KHDRBS2: variants seen among roughly 807,000 people sequenced by gnomAD.
KHDRBS2 encodes KH domain-containing, RNA-binding, signal transduction-associated protein 2.
A neutral mutation model predicts 44.3 loss-of-function variants in KHDRBS2; 26 were observed. That is an observed-to-expected ratio of 0.59 (90% confidence interval 0.43 to 0.81). The LOEUF (loss-of-function observed/expected upper bound fraction) is 0.81. Among genes scored for constraint, KHDRBS2 ranks in the 40% least tolerant of loss-of-function variants. KHDRBS2 has a pLI of 0.00. For synonymous variants in KHDRBS2, 194 were observed against 151.1 expected (o/e 1.28, Z -2.08); for missense variants, 476 against 433.1 (o/e 1.10, Z -0.88).
rs184731471 is a variant in KHDRBS2, at chr6:61,964,787, G to C, written c.483+13279C>G. 2.2e-3 allele frequency among the ~76,000 whole-genome samples: 342 copies of C among 152,164 alleles called. 2 individuals carry two copies. The highest frequency in any genetic ancestry group is 8.0e-3 in the African/African-American group (333 of 41,550). ...TAACAGATGAATGAGCCAAACAGCA[G>C]TGGCAGAAATGTGCTTCAAAGGAAA... On this transcript the variant is annotated intron_variant, in intron 4 of 8. Coordinates refer to ENST00000281156, the MANE Select transcript of KHDRBS2 (RefSeq NM_152688.4).
intron 1 of KHDRBS2, among the ~76,000 whole-genome samples, chr6:62,239,530 G>A (rs1419992161): frequency 4.6e-5 from 7 of 151,870 alleles, no homozygotes; most frequent in South Asian, 2.1e-4. Flanking sequence ...CCAAGATCAC[G>A]CTGCTGCACT....
intron 6 of KHDRBS2, among the ~76,000 whole-genome samples, chr6:61,892,255 T>G (rs1260337934): frequency 6.6e-6 from 1 of 152,020 alleles, no homozygotes. Context: ...TAAAAGAGGA[T>G]ACAAACAAAT....
chr6:61,603,257 A>T, the KHDRBS2 span, among the ~76,000 whole-genome samples: 245 of 152,034 alleles, frequency 1.6e-3, 2 homozygotes, highest in Non-Finnish European at 2.4e-3. Context: ...TATCCACCAA[A>T]TTGTCTTGCC....
At chr6:62,249,736 T>A (rs1287106724) in intron 1 of KHDRBS2, among the ~76,000 whole-genome samples, 1 of 152,084 alleles carries the variant, frequency 6.6e-6, no homozygotes, top group Non-Finnish European at 1.5e-5. Context: ...TATTTCTCTA[T>A]AAAAGCACTC....
rs1584397481 is a variant in KHDRBS2, at chr6:62,055,528, T to A, written c.220-7534A>T. On this transcript the variant is annotated intron_variant, in intron 2 of 8. Coordinates refer to ENST00000281156, the MANE Select transcript of KHDRBS2 (RefSeq NM_152688.4). ...ATAATGGCAGTGTCTTGTCAATCTG[T>A]AAATCCATTTACCTTATGCCTCAGC... Among the ~76,000 whole-genome samples the A allele has an allele frequency of 2.6e-5, 4 of 152,156 alleles. No homozygotes were observed. In the South Asian group the frequency reaches 8.3e-4, roughly 32 times the overall value.
At chr6:62,017,167 A>G (rs1174694294) in intron 3 of KHDRBS2, among the ~76,000 whole-genome samples, 1 of 152,148 alleles carries the variant, frequency 6.6e-6, no homozygotes, top group Non-Finnish European at 1.5e-5. Flanking sequence ...CTTCAGATTG[A>G]TGGACCACAC....
At chr6:61,574,220 C>G in the KHDRBS2 span, 1 of 748,486 alleles carries the variant, frequency 1.3e-6, no homozygotes, top group East Asian at 2.7e-5. Flanking sequence ...TCTAGCATTA[C>G]CAGTATTAGA....
At chr6:61,672,671 T>C in the KHDRBS2 span, among the ~76,000 whole-genome samples, 2 of 152,142 alleles carry the variant, frequency 1.3e-5, no homozygotes, top group African/African-American at 2.4e-5. Flanking sequence ...TTCATGTCCT[T>C]TGCCCACTTT....
At chr6:61,611,885 G>C in the KHDRBS2 span, among the ~76,000 whole-genome samples, 1 of 152,180 alleles carries the variant, frequency 6.6e-6, no homozygotes, top group East Asian at 1.9e-4. Flanking sequence ...TTATGTCCAC[G>C]TGAGCTTAGT....
In KHDRBS2 at chr6:61,711,874, G is replaced by A. The variant is rs781527149; in HGVS notation, c.894-14621C>T. ...ACCAGTTTGTTACTGGTATAGTAAT[G>A]CTGCATAACAAACAACTACAAAATA... On this transcript the variant is annotated intron_variant, in intron 7 of 8. Coordinates refer to ENST00000281156, the MANE Select transcript of KHDRBS2 (RefSeq NM_152688.4). Among the ~76,000 whole-genome samples the A allele has an allele frequency of 2.6e-5, 4 of 151,830 alleles. No homozygotes were observed. In the East Asian group the frequency reaches 5.8e-4, roughly 22 times the overall value.
intron 2 of KHDRBS2, among the ~76,000 whole-genome samples, chr6:62,068,117 G>A (rs911074267): frequency 6.6e-6 from 1 of 151,368 alleles, no homozygotes; most frequent in Non-Finnish European, 1.5e-5. Context: ...GCATCCAATT[G>A]TTTTCCAAAG....
intron 7 of KHDRBS2, among the ~76,000 whole-genome samples, chr6:61,710,156 A>G (rs777323199): frequency 6.6e-6 from 1 of 151,690 alleles, no homozygotes; most frequent in Non-Finnish European, 1.5e-5. Context: ...TGAGTTGACA[A>G]CAATGATTTC....
chr6:62,151,403 G>A (rs1815157444), intron 2 of KHDRBS2, among the ~76,000 whole-genome samples: 1 of 152,064 alleles, frequency 6.6e-6, no homozygotes, highest in Non-Finnish European at 1.5e-5. Flanking sequence ...GAATATTCCT[G>A]ATAACCCACT....
chr6:61,734,145 T>C (rs956118635), intron 6 of KHDRBS2, among the ~76,000 whole-genome samples: 1 of 152,156 alleles, frequency 6.6e-6, no homozygotes, highest in African/African-American at 2.4e-5. Flanking sequence ...GGTCTTACCA[T>C]CATATAATGC....
At chr6:61,920,947 G>A (rs76177082) in intron 4 of KHDRBS2, among the ~76,000 whole-genome samples, 10,228 of 151,916 alleles carry the variant, frequency 0.067, 410 homozygotes, top group Middle Eastern at 0.13. Context: ...AAATGGCAAC[G>A]TAAGTGAAAA....
the KHDRBS2 span, among the ~76,000 whole-genome samples, chr6:61,596,431 A>G: frequency 2.0e-5 from 3 of 152,324 alleles, no homozygotes; most frequent in African/African-American, 7.2e-5. Flanking sequence ...CAAATTATAT[A>G]GAAATATCAT....
chr6:62,027,894 A>G (rs1701649192), intron 3 of KHDRBS2, among the ~76,000 whole-genome samples: 1 of 152,090 alleles, frequency 6.6e-6, no homozygotes, highest in Admixed American at 6.6e-5. Context: ...AATCTAGTTA[A>G]GTAAATTGTT....
the KHDRBS2 span, among the ~76,000 whole-genome samples, chr6:61,628,660 T>C: frequency 2.6e-5 from 4 of 152,174 alleles, no homozygotes; most frequent in Admixed American, 1.3e-4. Context: ...ATCTCTGCTG[T>C]GTGTCTTTTT....
chr6:61,978,323 C>T, intron 3 of KHDRBS2, 111 bp from the exon 4 acceptor site: 1 of 753,410 alleles, frequency 1.3e-6, no homozygotes, highest in Non-Finnish European at 2.0e-6. Context: ...CCATAATTTG[C>T]TTCCATAATT....
Sources: allele counts gnomAD v4.1 joint callset (sites outside exome capture counted in the v4.1 genomes callset), GRCh38; gene constraint gnomAD v4.1.1; transcripts MANE v1.5; gene names NCBI Gene and HGNC (gene_info 2026-07-23, HGNC 2026-07-21).